The following MBNL1 variants were observed in gnomAD, a reference collection of about 807,000 sequenced individuals.
The protein encoded by MBNL1 is muscleblind-like protein 1.
MBNL1 carries 8 observed loss-of-function variants against 42.2 expected under a neutral mutation model. That is an observed-to-expected ratio of 0.19 (90% CI 0.11 to 0.34). The LOEUF is 0.34. MBNL1 is among the 10% of genes least tolerant of loss of function. The pLI is 1.00. For missense variants in MBNL1, 309 were observed against 495.3 expected, an observed-to-expected ratio of 0.62 and a Z score of 3.57; for synonymous variants, 169 against 173.9, an observed-to-expected ratio of 0.97 and a Z score of 0.22.
intron 2 of MBNL1, among the ~76,000 whole-genome samples, chr3:152,413,733 T>C (rs1269442737): frequency 6.6e-6 from 1 of 152,236 alleles, no homozygotes; most frequent in Non-Finnish European, 1.5e-5. Context: ...AATCTTTCTT[T>C]TATTCTACTG....
chr3:152,429,065 A>G (rs1038715679), intron 3 of MBNL1, among the ~76,000 whole-genome samples: 1 of 151,576 alleles, frequency 6.6e-6, no homozygotes, highest in Non-Finnish European at 1.5e-5. Flanking sequence ...AACTAAACAG[A>G]TCTCTTCTGA....
At chr3:152,309,214 C>T (rs2064993160) in intron 2 of MBNL1, among the ~76,000 whole-genome samples, 1 of 152,106 alleles carries the variant, frequency 6.6e-6, no homozygotes, top group Non-Finnish European at 1.5e-5. Flanking sequence ...GAGGGAATCC[C>T]CAGTAAAAGA....
At chr3:152,244,688 A>G (rs1404283614) in intron 2 of MBNL1, among the ~76,000 whole-genome samples, 1 of 152,186 alleles carries the variant, frequency 6.6e-6, no homozygotes, top group African/African-American at 2.4e-5. Flanking sequence ...TGCAAAATAA[A>G]ACGTTATCTT....
intron 1 of MBNL1, among the ~76,000 whole-genome samples, chr3:152,292,062 A>T (rs970492678): frequency 2.0e-5 from 3 of 152,190 alleles, no homozygotes; most frequent in African/African-American, 7.2e-5. Context: ...GGAGGAACAG[A>T]AGGTTGGGTG....
At chr3:152,330,681 C>A (rs2083775621) in intron 2 of MBNL1, among the ~76,000 whole-genome samples, 1 of 152,056 alleles carries the variant, frequency 6.6e-6, no homozygotes, top group Non-Finnish European at 1.5e-5. Flanking sequence ...TGGTACAACA[C>A]GATAAGATAT....
chr3:152,443,501 C>CACACACACACACAA (rs2099172848), intron 4 of MBNL1, among the ~76,000 whole-genome samples: 1 of 151,900 alleles, frequency 6.6e-6, no homozygotes, highest in Non-Finnish European at 1.5e-5. Context: ...CACACACACA[C>CACACACACACACAA]ACACACAACT....
chr3:152,329,804 A>G (rs1358278762), intron 2 of MBNL1, among the ~76,000 whole-genome samples: 3 of 149,766 alleles, frequency 2.0e-5, no homozygotes, highest in Non-Finnish European at 3.0e-5. Context: ...CAAGTGATGG[A>G]TAAAATAAAA....
intron 1 of MBNL1, among the ~76,000 whole-genome samples, chr3:152,275,831 A>G (rs988033357): frequency 1.3e-5 from 2 of 151,772 alleles, no homozygotes; most frequent in Non-Finnish European, 2.9e-5. Flanking sequence ...AAATGTAAGA[A>G]GTGATATCAA....
chr3:152,351,027 C>G (rs762641797), intron 2 of MBNL1, among the ~76,000 whole-genome samples: 3 of 152,000 alleles, frequency 2.0e-5, no homozygotes, highest in African/African-American at 7.2e-5. Context: ...AAAGCTGTTT[C>G]CAAAACAAGT....
rs370857002 is a variant in MBNL1, at chr3:152,300,169, A to G, written c.-25A>G. 13 of 1,533,526 alleles carry G rather than the reference A, an allele frequency of 8.5e-6. No individual in the cohort carries two copies. The highest frequency in any genetic ancestry group is 5.5e-5 in the African/African-American group (4 of 72,128). The allele number at this position is 1,533,526 out of a possible 1,614,324, so 95.0% of individuals were successfully genotyped here. On this transcript the variant is annotated 5_prime_UTR_variant, in exon 2 of 10. Transcript: ENST00000324210. Reference sequence around the variant, plus strand: ...TTGGGTTTGTTGGTTTCACTGAAACATTTAACTACCTGTAAAATCTAAACA... The same window carrying G: ...TTGGGTTTGTTGGTTTCACTGAAACGTTTAACTACCTGTAAAATCTAAACA...
intron 1 of MBNL1, 75 bp downstream of exon 1, chr3:152,269,167 G>A (rs2038433637): frequency 4.9e-6 from 2 of 410,214 alleles, no homozygotes; most frequent in South Asian, 1.7e-5. Context: ...GTGGCTGAAG[G>A]AGGAAGTGCG....
At chr3:152,392,500 CTT>C (rs2097764357) in intron 2 of MBNL1, among the ~76,000 whole-genome samples, 2 of 152,212 alleles carry the variant, frequency 1.3e-5, no homozygotes, top group African/African-American at 4.8e-5. Flanking sequence ...ACTTCTTCCT[CTT>C]TGAATAAACT....
chr3:152,319,614 G>GTTT (rs202070328), intron 2 of MBNL1, among the ~76,000 whole-genome samples: 8,262 of 79,758 alleles, frequency 0.1, 1,385 homozygotes, highest in African/African-American at 0.13. Flanking sequence ...GTTCTATACT[G>GTTT]TTTTTTTTTT....
At chr3:152,289,347 G>A (rs1385311797) in intron 1 of MBNL1, among the ~76,000 whole-genome samples, 1 of 151,866 alleles carries the variant, frequency 6.6e-6, no homozygotes, top group Non-Finnish European at 1.5e-5. Flanking sequence ...TTTATATTGT[G>A]GAATATTAAC....
Position 152,261,333 on chromosome 3 carries a change from T to G in MBNL1, n.333+16893T>G, listed in dbSNP as rs144323820. ...TCTTGTTTTAAGTTCAAGGAGATAA[T>G]GTGTGACCTTAGAGTCCTTAACACT... On this transcript the variant is annotated intron_variant and non_coding_transcript_variant, in intron 2 of 2. Coordinates refer to the MBNL1 transcript ENST00000477171. Among the ~76,000 whole-genome samples, 40 of 152,244 alleles carry G rather than the reference T, an allele frequency of 2.6e-4. No individual in the cohort carries two copies. The East Asian group carries it at 7.0e-3, about 26-fold the overall frequency.
At chr3:152,438,858 T>C (rs971954154) in intron 4 of MBNL1, among the ~76,000 whole-genome samples, 3 of 152,224 alleles carry the variant, frequency 2.0e-5, no homozygotes, top group African/African-American at 7.2e-5. Context: ...GTGCATGGCA[T>C]AGTGAAATAC....
intron 2 of MBNL1, among the ~76,000 whole-genome samples, chr3:152,351,478 A>AT (rs74771866): frequency 6.6e-6 from 1 of 151,938 alleles, no homozygotes; most frequent in Non-Finnish European, 1.5e-5. Context: ...TATGGTTGCT[A>AT]TTTTTTCTGT....
chr3:152,315,782 A>T (rs1046165530), intron 2 of MBNL1, among the ~76,000 whole-genome samples: 2 of 152,172 alleles, frequency 1.3e-5, no homozygotes, highest in African/African-American at 2.4e-5. Context: ...TAGGAGCCAA[A>T]CCAAAGTTTA....
At chr3:152,345,036 C>G (rs2094000885) in intron 2 of MBNL1, among the ~76,000 whole-genome samples, 1 of 151,964 alleles carries the variant, frequency 6.6e-6, no homozygotes, top group African/African-American at 2.4e-5. Context: ...GTAGGTCTAG[C>G]ATACCATTTG....
Sources: allele counts gnomAD v4.1 joint callset (sites outside exome capture counted in the v4.1 genomes callset), GRCh38; gene constraint gnomAD v4.1.1; transcripts MANE v1.5; gene names NCBI Gene and HGNC (gene_info 2026-07-23, HGNC 2026-07-21).